Variants in TRAF3IP1 observed in about 807,000 individuals in gnomAD.
TRAF3IP1 encodes the protein TRAF3-interacting protein 1.
In TRAF3IP1, 53 loss-of-function variants were observed where a neutral mutation model predicts 89.9. The ratio of observed to expected loss-of-function variants is 0.59; its 90% CI spans 0.47 to 0.74. The LOEUF (loss-of-function observed/expected upper bound fraction) is 0.74, where lower values mean the gene tolerates loss of function less well. TRAF3IP1 is among the 30% of genes least tolerant of loss of function. TRAF3IP1 has a pLI of 0.00. For missense variants in TRAF3IP1, 806 were observed against 866.1 expected, an observed-to-expected ratio of 0.93 and a Z score of 0.87; for synonymous variants, 311 against 322.1, an observed-to-expected ratio of 0.97 and a Z score of 0.37.
chr2:238,354,795 C>T (rs1426522948), intron 14 of TRAF3IP1, among the ~76,000 whole-genome samples: 2 of 152,024 alleles, frequency 1.3e-5, no homozygotes, highest in East Asian at 3.9e-4. Flanking sequence ...GGATTACAGG[C>T]GCCCACCACC....
chr2:238,387,173 C>T (rs538161492), intron 15 of TRAF3IP1, among the ~76,000 whole-genome samples: 8 of 152,302 alleles, frequency 5.3e-5, no homozygotes, highest in African/African-American at 1.7e-4. Context: ...TAGGAGCTAC[C>T]CCAGATCTGT....
intron 15 of TRAF3IP1, among the ~76,000 whole-genome samples, chr2:238,386,269 C>G (rs1700763025): frequency 6.6e-6 from 1 of 152,102 alleles, no homozygotes; most frequent in African/African-American, 2.4e-5. Flanking sequence ...TTACAGCAGG[C>G]TGTGTCAGCA....
At chr2:238,360,456 G>A (rs1410465834) in intron 15 of TRAF3IP1, among the ~76,000 whole-genome samples, 1 of 152,118 alleles carries the variant, frequency 6.6e-6, no homozygotes, top group East Asian at 1.9e-4. Flanking sequence ...GGGAGACCCT[G>A]TCTCTACAAA....
chr2:238,344,049 G>A (rs1200002810), intron 8 of TRAF3IP1, among the ~76,000 whole-genome samples: 1 of 151,960 alleles, frequency 6.6e-6, no homozygotes. Context: ...GTAATTAGTA[G>A]ACAATATGTG....
Position 238,338,440 on chromosome 2 carries a change from C to A in TRAF3IP1, c.1142C>A (p.Thr381Lys). 1 of 1,586,736 alleles carries A rather than the reference C, an allele frequency of 6.3e-7. No homozygotes were observed. The highest frequency in any genetic ancestry group is 1.8e-5 in the Admixed American group (1 of 56,118). Residue 381 changes from threonine (T) to lysine (K), a missense_variant, in exon 8 of 17, where the codon ACG becomes AAG. By Grantham distance (78) the Thr-to-Lys change is moderately conservative. This residue lies in a region of TRAF3IP1 where 732 missense variants were observed against 780.5 expected (regional missense o/e 0.94). Transcript: ENST00000373327. ...SGINNEPNQE[T>K]TTSEIGTKEA... ...ATAAATAATGAGCCAAATCAGGAAA[C>A]GACAACATCAGAAATAGGTAAGAAA...
chr2:238,380,590 A>T (rs1700505676), intron 15 of TRAF3IP1, among the ~76,000 whole-genome samples: 1 of 152,114 alleles, frequency 6.6e-6, no homozygotes, highest in African/African-American at 2.4e-5. Context: ...ATGGACTTGG[A>T]GGCTTGTTTC....
chr2:238,385,792 C>T lies in TRAF3IP1; in HGVS notation c.1690-11667C>T, dbSNP rs139314658. Reference sequence around the variant, plus strand: ...ATCTCCTACATGGGAGTTTCATCACCTGCTTTTAAGAAGAAAGGGGGAAGT... The same window carrying T: ...ATCTCCTACATGGGAGTTTCATCACTTGCTTTTAAGAAGAAAGGGGGAAGT... On this transcript the variant is annotated intron_variant, in intron 15 of 16. Transcript: ENST00000373327. 3.9e-5 allele frequency among the ~76,000 whole-genome samples: 6 copies of T among 152,150 alleles called. No individual in the cohort carries two copies. In the East Asian group the frequency reaches 5.8e-4, roughly 15 times the overall value.
At chr2:238,343,463 C>T (rs1028832474) in intron 8 of TRAF3IP1, among the ~76,000 whole-genome samples, 59 of 151,960 alleles carry the variant, frequency 3.9e-4, no homozygotes, top group African/African-American at 1.3e-3. Context: ...CTCACTGCAG[C>T]CTCGACCTCC....
intron 5 of TRAF3IP1, 126 bp from the exon 6 acceptor site, chr2:238,332,698 G>A (rs1698187144): frequency 7.2e-6 from 5 of 697,912 alleles, no homozygotes; most frequent in Non-Finnish European, 9.9e-6. Context: ...CTGGACTGGC[G>A]ATGTGGTGTT....
At chr2:238,393,728 A>G (rs1433641254) in intron 15 of TRAF3IP1, among the ~76,000 whole-genome samples, 12 of 152,208 alleles carry the variant, frequency 7.9e-5, no homozygotes, top group Admixed American at 7.9e-4. Context: ...ATGTCCACTT[A>G]ACCCAGTGCC....
rs748652273 is a variant in TRAF3IP1 at position 238,379,131 on chromosome 2, G to A, written c.1690-18328G>A. ...CGACTCACTCTTTGGTCGTCTGTGT[G>A]TCACTGGGGGCCTGTTTTCTTGCAG... On this transcript the variant is annotated intron_variant, in intron 15 of 16. Transcript: ENST00000373327. This position sits in a 1 kb window ranked among gnomAD's most constrained non-coding sequence, Gnocchi z 4.0. Among the ~76,000 whole-genome samples the A allele has an allele frequency of 6.6e-6, 1 of 152,200 alleles. No individual in the cohort carries two copies.
Position 238,344,606 on chromosome 2 carries a change from T to G in TRAF3IP1, c.1261+8T>G. On this transcript the variant is annotated splice_region_variant and intron_variant, in intron 9 of 16. Coordinates refer to ENST00000373327, the MANE Select transcript of TRAF3IP1 (RefSeq NM_015650.4). The stretch of plus-strand genomic sequence containing the variant: ...CCACAGAGAAGCAGAAAGGTAAGAA[T>G]GGTCCAGTTTCGCCCTTTCCTGGCG... 2 of 1,612,924 alleles carry G rather than the reference T, an allele frequency of 1.2e-6. No individual in the cohort carries two copies. The highest frequency in any genetic ancestry group is 8.5e-7 in the Non-Finnish European group (1 of 1,178,908).
chr2:238,349,214 A>G (rs912368393), intron 11 of TRAF3IP1, 111 bp from the exon 12 acceptor site: 2 of 1,048,946 alleles, frequency 1.9e-6, no homozygotes, highest in African/African-American at 3.1e-5. Context: ...TAACCAGCAC[A>G]TTGATTATGG....
chr2:238,351,836 TGTG>T lies in TRAF3IP1; in HGVS notation c.1452-990_1452-988del, dbSNP rs1699169573. Among the ~76,000 whole-genome samples the T allele has an allele frequency of 2.3e-5, 1 of 44,066 alleles. No homozygotes were observed. The highest frequency in any genetic ancestry group is 4.4e-5 in the Non-Finnish European group (1 of 22,534). The allele number at this position is 44,066 out of a possible 152,430, so 28.9% of individuals were successfully genotyped here. On this transcript the variant is annotated intron_variant, in intron 12 of 16. Transcript: ENST00000373327. This position sits in a 1 kb window ranked among gnomAD's most constrained non-coding sequence, Gnocchi z 5.2. ...GCACTGAAGCAAGGGAGGATTTTGGTGTGTGTGTGTGTGTGTGTGTGTGTGTGT... is the reference window on the plus strand; with the variant it reads ...GCACTGAAGCAAGGGAGGATTTTGGTTGTGTGTGTGTGTGTGTGTGTGTGT...
intron 15 of TRAF3IP1, among the ~76,000 whole-genome samples, chr2:238,388,192 T>A (rs545394397): frequency 6.6e-6 from 1 of 152,142 alleles, no homozygotes; most frequent in African/African-American, 2.4e-5. Context: ...CTGGTCAACA[T>A]GGTGAAACCA....
At chr2:238,395,485 G>C (rs1701170377) in intron 15 of TRAF3IP1, among the ~76,000 whole-genome samples, 1 of 152,132 alleles carries the variant, frequency 6.6e-6, no homozygotes, top group Admixed American at 6.6e-5. Flanking sequence ...AGGACTTCAT[G>C]TCTAAAACAC....
intron 15 of TRAF3IP1, among the ~76,000 whole-genome samples, chr2:238,366,156 T>C (rs1699865322): frequency 6.6e-6 from 1 of 151,912 alleles, no homozygotes; most frequent in Non-Finnish European, 1.5e-5. Flanking sequence ...GGCGTGAACC[T>C]GGGAGGCGGA....
In TRAF3IP1 at chr2:238,344,481, A is replaced by G; in HGVS notation, c.1160-16A>G. 2 of 1,605,760 alleles carry G rather than the reference A, an allele frequency of 1.2e-6. No homozygotes were observed. Among genetic ancestry groups the G allele is most frequent in the Non-Finnish European group, 1.7e-6 (2 of 1,172,462 alleles). On this transcript the variant is annotated splice_polypyrimidine_tract_variant and intron_variant, in intron 8 of 16. Coordinates refer to ENST00000373327, the MANE Select transcript of TRAF3IP1 (RefSeq NM_015650.4). ...TGTACAGTCTTAATGACTAATTTTA[A>G]ACTGTTTTATGTCAGGAACAAAAGA...
chr2:238,356,624 T>C (rs1161343454), intron 15 of TRAF3IP1, among the ~76,000 whole-genome samples: 1 of 152,100 alleles, frequency 6.6e-6, no homozygotes, highest in African/African-American at 2.4e-5. Context: ...GCGGCTTACT[T>C]GGGGAGCTCA....
Sources: gnomAD v4.1 joint callset for allele counts (sites outside exome capture counted in the v4.1 genomes callset) on GRCh38, gnomAD v4.1.1 for gene constraint, gnomAD v4.1.1 regional missense constraint, Gnocchi (gnomAD v3.1) non-coding constraint, MANE v1.5 for transcripts, NCBI Gene and HGNC (gene_info 2026-07-23, HGNC 2026-07-21) for gene names.